The following NAALADL2 variants were observed in gnomAD, a reference collection of about 807,000 sequenced individuals.
NAALADL2 encodes the protein N-acetylated alpha-linked acidic dipeptidase like 2, also known as inactive N-acetylated-alpha-linked acidic dipeptidase-like protein 2.
NAALADL2 carries 76 observed loss-of-function variants against 87.2 expected under a neutral mutation model. That is an observed-to-expected ratio of 0.87 (90% CI 0.72 to 1.05). NAALADL2 has a LOEUF of 1.05. Among genes scored for constraint, NAALADL2 ranks in the 50% least tolerant of loss-of-function variants. NAALADL2 has a pLI of 0.00. For missense variants in NAALADL2, 1,089 were observed against 945.8 expected, an observed-to-expected ratio of 1.15 and a Z score of -1.99; for synonymous variants, 354 against 331.0, an observed-to-expected ratio of 1.07 and a Z score of -0.75.
chr3:175,437,073 A>C (rs1426328098), intron 5 of NAALADL2, among the ~76,000 whole-genome samples: 2 of 144,164 alleles, frequency 1.4e-5, no homozygotes, highest in Non-Finnish European at 3.0e-5. Flanking sequence ...ACATATGGCT[A>C]GCCAGTTTTC....
chr3:174,721,881 T>G (rs1272630552), intron 2 of NAALADL2, among the ~76,000 whole-genome samples: 1 of 152,170 alleles, frequency 6.6e-6, no homozygotes, highest in African/African-American at 2.4e-5. Context: ...TAAGCAAGAC[T>G]GATTTTTGAC....
chr3:174,565,946 A>G (rs978652847), intron 2 of NAALADL2, among the ~76,000 whole-genome samples: 1 of 151,738 alleles, frequency 6.6e-6, no homozygotes, highest in Non-Finnish European at 1.5e-5. Flanking sequence ...GACTATTGTT[A>G]TTTGTCTATG....
chr3:174,812,518 T>C (rs963914139), intron 3 of NAALADL2, among the ~76,000 whole-genome samples: 2 of 152,344 alleles, frequency 1.3e-5, no homozygotes, highest in Non-Finnish European at 2.9e-5. Context: ...ACTATACTTT[T>C]TATTTTTATT....
intron 9 of NAALADL2, among the ~76,000 whole-genome samples, chr3:175,508,882 G>A (rs1419974466): frequency 1.3e-5 from 2 of 152,010 alleles, no homozygotes; most frequent in Admixed American, 6.6e-5. Context: ...TTGGGAGGCC[G>A]AGGGAGGTAG....
intron 11 of NAALADL2, among the ~76,000 whole-genome samples, chr3:175,682,773 A>C (rs138534747): frequency 9.2e-5 from 14 of 152,138 alleles, no homozygotes; most frequent in Non-Finnish European, 1.6e-4. Flanking sequence ...ATGAATTAGA[A>C]ATGCATTTAT....
At chr3:175,802,884 T>C (rs939743217) in intron 13 of NAALADL2, 121 bp from the exon 14 acceptor site, 21 of 659,790 alleles carry the variant, frequency 3.2e-5, no homozygotes, top group Non-Finnish European at 5.1e-5. Flanking sequence ...CGTGATATTA[T>C]ATTTTTATAA....
At chr3:175,199,840 ATATATATATATATATATATATATATTT>A (rs1739605766) in intron 2 of NAALADL2, among the ~76,000 whole-genome samples, 1 of 14,620 alleles carries the variant, frequency 6.8e-5, no homozygotes, top group African/African-American at 1.9e-4. Context: ...ATATATATAT[ATATATATATATATATATATATATATTT>A]TTTTTTTTTT....
intron 1 of NAALADL2, among the ~76,000 whole-genome samples, chr3:175,079,918 T>C (rs1160489813): frequency 6.6e-6 from 1 of 152,108 alleles, no homozygotes; most frequent in Non-Finnish European, 1.5e-5. Context: ...CTAGCAAATA[T>C]AAGAATTGCC....
At chr3:175,013,151 ATT>A (rs1206717448) in intron 1 of NAALADL2, among the ~76,000 whole-genome samples, 3 of 131,354 alleles carry the variant, frequency 2.3e-5, no homozygotes, top group South Asian at 2.2e-4. Flanking sequence ...TGTAATACAT[ATT>A]TATATATAAA....
intron 4 of NAALADL2, among the ~76,000 whole-genome samples, chr3:175,266,788 G>A (rs145311623): frequency 2.6e-5 from 4 of 151,816 alleles, no homozygotes; most frequent in African/African-American, 9.6e-5. Context: ...ATTAATGATT[G>A]TCTTAATATA....
rs558152594 is a variant in NAALADL2 at position 174,819,514 on chromosome 3, T to A, written c.-9+81768T>A. ...CATGGACTCGAGGTCTGACTTCTCA[T>A]ACACGGACTCGAGGTCTGACTTCTC... On this transcript the variant is annotated intron_variant, in intron 3 of 3. Coordinates refer to the NAALADL2 transcript ENST00000434257. 5.3e-5 allele frequency among the ~76,000 whole-genome samples: 8 copies of A among 152,208 alleles called. No homozygotes were observed. The South Asian group carries it at 1.7e-3, about 32-fold the overall frequency.
intron 2 of NAALADL2, among the ~76,000 whole-genome samples, chr3:174,606,229 G>A (rs1387968872): frequency 6.6e-6 from 1 of 152,198 alleles, no homozygotes; most frequent in Non-Finnish European, 1.5e-5. Context: ...AAAAAACAGA[G>A]CAGAAAAACT....
chr3:174,581,583 A>G (rs1341065599), intron 2 of NAALADL2, among the ~76,000 whole-genome samples: 2 of 152,210 alleles, frequency 1.3e-5, no homozygotes, highest in African/African-American at 2.4e-5. Context: ...GATACGTAGG[A>G]TAATATATTT....
intron 5 of NAALADL2, among the ~76,000 whole-genome samples, chr3:175,373,069 G>A (rs957314012): frequency 3.9e-5 from 6 of 152,116 alleles, no homozygotes; most frequent in African/African-American, 1.4e-4. Flanking sequence ...GGCTGCAATT[G>A]AACATGCAAC....
rs540238346 is a variant in NAALADL2, at chr3:174,536,127, A to C, written c.-183-14442A>C. Among the ~76,000 whole-genome samples the C allele has an allele frequency of 7.2e-5, 11 of 152,254 alleles. No homozygotes were observed. In the South Asian group the frequency reaches 2.1e-3, roughly 29 times the overall value. On this transcript the variant is annotated intron_variant, in intron 1 of 3. Transcript: ENST00000434257. ...AGTTTCAAGCAAATACTGAGTTTCT[A>C]GTATGTATGTCTTGAGTTGTTCTGA...
At chr3:174,822,699 A>G (rs1721563385) in intron 3 of NAALADL2, among the ~76,000 whole-genome samples, 1 of 152,144 alleles carries the variant, frequency 6.6e-6, no homozygotes, top group African/African-American at 2.4e-5. Context: ...GTATAGGGAA[A>G]TTTGTCCAAA....
chr3:174,956,585 A>G (rs1419655563), intron 1 of NAALADL2, among the ~76,000 whole-genome samples: 3 of 152,120 alleles, frequency 2.0e-5, no homozygotes, highest in Non-Finnish European at 4.4e-5. Context: ...TGCCTGCCAC[A>G]TATAAGTACT....
chr3:174,932,548 G>A (rs950134801), intron 1 of NAALADL2, among the ~76,000 whole-genome samples: 5 of 152,150 alleles, frequency 3.3e-5, no homozygotes, highest in Middle Eastern at 3.4e-3. Context: ...AGAGTCATTG[G>A]GCATATTAGT....
Position 175,786,865 on chromosome 3 carries a change from T to G in NAALADL2, c.2190-16140T>G, listed in dbSNP as rs374084241. Among the ~76,000 whole-genome samples, 710 of 151,332 alleles carry G rather than the reference T, an allele frequency of 4.7e-3. 4 individuals carry two copies. The highest frequency in any genetic ancestry group is 0.014 in the African/African-American group (587 of 41,180). On this transcript the variant is annotated intron_variant, in intron 13 of 13. Transcript: ENST00000454872. The stretch of plus-strand genomic sequence containing the variant: ...GTTTTATCTACTTTTGGTCTTTGAT[T>G]ATGGTGATGTACAGATGGGTTTTTG...
Sources: gnomAD v4.1 joint callset for allele counts (sites outside exome capture counted in the v4.1 genomes callset) on GRCh38, gnomAD v4.1.1 for gene constraint, MANE v1.5 for transcripts, NCBI Gene and HGNC (gene_info 2026-07-23, HGNC 2026-07-21) for gene names.